NR2C2: variants seen among roughly 807,000 people sequenced by gnomAD.
NR2C2 encodes nuclear receptor subfamily 2 group C member 2, also known as Nuclear hormone receptor TR4.
NR2C2 carries 6 observed loss-of-function variants against 62.9 expected under a neutral mutation model. The observed-to-expected ratio is 0.10, with a 90% confidence interval of 0.05 to 0.19. The LOEUF is 0.19. NR2C2 is among the 10% of genes least tolerant of loss of function. NR2C2 has a pLI of 1.00. For missense variants in NR2C2, 479 were observed against 762.7 expected (o/e 0.63, Z 4.38); for synonymous variants, 272 against 273.8 (o/e 0.99, Z 0.07).
At chr3:14,994,753 A>T (rs1385701673) in intron 1 of NR2C2, among the ~76,000 whole-genome samples, 1 of 61,680 alleles carries the variant, frequency 1.6e-5, no homozygotes, top group African/African-American at 6.0e-5. Context: ...TTCATTCTTT[A>T]AAAAAAAAAA....
chr3:14,994,062 G>T lies in NR2C2; in HGVS notation c.-39-9814G>T, dbSNP rs535574425. Among the ~76,000 whole-genome samples, 8 of 152,272 alleles carry T rather than the reference G, an allele frequency of 5.3e-5. No homozygotes were observed. In the East Asian group the frequency reaches 1.5e-3, roughly 29 times the overall value. ...ATGGCACAGAGTAAGTGCTTACCAG[G>T]TTCCGGTAAAGCATAGACCACTGTC... On this transcript the variant is annotated intron_variant, in intron 1 of 13. Coordinates refer to ENST00000425241, the MANE Select transcript of NR2C2 (RefSeq NM_001291694.2).
At chr3:15,002,130 G>A (rs528100346) in intron 1 of NR2C2, among the ~76,000 whole-genome samples, 1 of 152,328 alleles carries the variant, frequency 6.6e-6, no homozygotes, top group Admixed American at 6.5e-5. Context: ...GAGGTAGAGA[G>A]AATGGACATC....
chr3:14,977,730 C>T (rs1331520324), intron 1 of NR2C2, among the ~76,000 whole-genome samples: 3 of 151,880 alleles, frequency 2.0e-5, no homozygotes. Context: ...TTTGGGAGGC[C>T]GAGGCGGGCG....
In NR2C2 at chr3:15,043,614, T is replaced by C. The variant is rs372806098; in HGVS notation, c.*606T>C. 3 of 152,704 alleles carry C rather than the reference T, an allele frequency of 2.0e-5. No individual in the cohort carries two copies. Among genetic ancestry groups the C allele is most frequent in the African/African-American group, 7.2e-5 (3 of 41,546 alleles). 9.5% of individuals were successfully genotyped at this position (152,704 alleles called of 1,614,324 possible). On this transcript the variant is annotated 3_prime_UTR_variant, in exon 14 of 14. Coordinates refer to ENST00000425241, the MANE Select transcript of NR2C2 (RefSeq NM_001291694.2). ...CTAATTGTGTGCACATGTTGTGGAG[T>C]TGAGCTGAATTCTGTGAATGGAAAC...
At chr3:15,040,176 AAC>A (rs1491251122) in intron 13 of NR2C2, among the ~76,000 whole-genome samples, 10 of 151,560 alleles carry the variant, frequency 6.6e-5, no homozygotes, top group Non-Finnish European at 1.2e-4. Flanking sequence ...CAAAAAAAAA[AAC>A]AACAAAAAAA....
At chr3:15,007,867 G>C (rs766762657) in intron 2 of NR2C2, among the ~76,000 whole-genome samples, 1 of 152,178 alleles carries the variant, frequency 6.6e-6, no homozygotes, top group Non-Finnish European at 1.5e-5. Context: ...CACTTTCCTA[G>C]TCATCCTTTT....
At chr3:15,026,732 T>C (rs965534781) in intron 7 of NR2C2, 2 of 152,162 alleles carry the variant, frequency 1.3e-5, no homozygotes, top group African/African-American at 4.8e-5. Context: ...AGAGTTTCGC[T>C]CTTGTTTCCT....
intron 1 of NR2C2, among the ~76,000 whole-genome samples, chr3:14,989,605 T>C (rs1357384908): frequency 6.6e-6 from 1 of 151,944 alleles, no homozygotes; most frequent in Non-Finnish European, 1.5e-5. Context: ...CTGGGCAACA[T>C]AGTAAGACCC....
intron 2 of NR2C2, among the ~76,000 whole-genome samples, chr3:15,008,553 TCAAA>T (rs1323188804): frequency 6.6e-6 from 1 of 151,870 alleles, no homozygotes; most frequent in African/African-American, 2.4e-5. Context: ...CTTTGGGTAC[TCAAA>T]CAAAAGTTAT....
chr3:15,032,618 G>A, intron 10 of NR2C2, 118 bp downstream of exon 10: 1 of 1,236,406 alleles, frequency 8.1e-7, no homozygotes, highest in Non-Finnish European at 1.1e-6. Flanking sequence ...CTCATTCAAA[G>A]GACCCTGAGT....
chr3:15,030,592 C>A, intron 9 of NR2C2, 140 bp downstream of exon 9: 1 of 801,322 alleles, frequency 1.2e-6, no homozygotes, highest in Non-Finnish European at 1.9e-6. Flanking sequence ...CTTCGGGAGG[C>A]CAAGGCACGT....
At chr3:14,971,437 A>C (rs968631035) in intron 1 of NR2C2, among the ~76,000 whole-genome samples, 1 of 151,646 alleles carries the variant, frequency 6.6e-6, no homozygotes, top group Admixed American at 6.6e-5. Context: ...TTTTTGACTT[A>C]ATGACATTTT....
intron 1 of NR2C2, among the ~76,000 whole-genome samples, chr3:14,969,156 A>T (rs1423809329): frequency 6.6e-6 from 1 of 151,728 alleles, no homozygotes; most frequent in Non-Finnish European, 1.5e-5. Flanking sequence ...TTAAAAAAAG[A>T]AAAAAAAATT....
At chr3:15,039,807 G>A (rs2042202906) in intron 13 of NR2C2, among the ~76,000 whole-genome samples, 1 of 152,102 alleles carries the variant, frequency 6.6e-6, no homozygotes. Context: ...AGTTTGTTTG[G>A]GTGCAAATTA....
intron 1 of NR2C2, among the ~76,000 whole-genome samples, chr3:14,994,752 T>TAAAA: frequency 7.8e-6 from 1 of 127,604 alleles, no homozygotes; most frequent in East Asian, 2.4e-4. Flanking sequence ...ATTCATTCTT[T>TAAAA]AAAAAAAAAA....
At chr3:14,947,970 G>A (rs2039176687) in intron 1 of NR2C2, 64 bp downstream of exon 1, 1 of 151,450 alleles carries the variant, frequency 6.6e-6, no homozygotes, top group Non-Finnish European at 1.5e-5. Flanking sequence ...CTGGCGCGCG[G>A]ACATGGAGGC....
intron 9 of NR2C2, among the ~76,000 whole-genome samples, chr3:15,031,004 C>T (rs1236234423): frequency 1.3e-5 from 2 of 152,124 alleles, no homozygotes; most frequent in East Asian, 3.8e-4. Flanking sequence ...ATGAAGCAGG[C>T]GTGGCCCATC....
intron 12 of NR2C2, 21 bp from the exon 13 acceptor site, chr3:15,039,101 G>A: frequency 3.8e-6 from 6 of 1,571,820 alleles, no homozygotes; most frequent in Non-Finnish European, 5.3e-6. Context: ...GAACTGGGGG[G>A]GGGTACTTTT....
chr3:14,963,065 C>A (rs1345532986), intron 1 of NR2C2, among the ~76,000 whole-genome samples: 5 of 152,100 alleles, frequency 3.3e-5, no homozygotes, highest in Admixed American at 6.5e-5. Flanking sequence ...ATTTGTCAGA[C>A]CCAAGTAAGT....
Sources: allele counts gnomAD v4.1 joint callset (sites outside exome capture counted in the v4.1 genomes callset), GRCh38; gene constraint gnomAD v4.1.1; transcripts MANE v1.5; gene names NCBI Gene and HGNC (gene_info 2026-07-23, HGNC 2026-07-21).